BAZ2B: variants seen among roughly 807,000 people sequenced by gnomAD.
BAZ2B encodes bromodomain adjacent to zinc finger domain protein 2B.
In BAZ2B, 91 loss-of-function variants were observed where a neutral mutation model predicts 246.0. The observed-to-expected ratio is 0.37, with a 90% CI of 0.31 to 0.44. BAZ2B has a LOEUF of 0.44. Ranked by LOEUF, BAZ2B falls within the 20% of genes least tolerant of loss-of-function variation. The pLI, the probability that BAZ2B is intolerant of heterozygous loss-of-function variation, is 1.00. For synonymous variants in BAZ2B, 855 were observed against 860.0 expected (o/e 0.99, Z 0.10); for missense variants, 2,332 against 2,533.7 (o/e 0.92, Z 1.71).
chr2:159,659,878 C>G, the BAZ2B span, among the ~76,000 whole-genome samples: 1 of 152,138 alleles, frequency 6.6e-6, no homozygotes, highest in African/African-American at 2.4e-5. Flanking sequence ...TTAACTATTT[C>G]CATTTACCAT....
At chr2:159,570,868 T>G (rs2151563161) in intron 1 of BAZ2B, among the ~76,000 whole-genome samples, 1 of 152,288 alleles carries the variant, frequency 6.6e-6, no homozygotes, top group African/African-American at 2.4e-5. Context: ...TTTTTTGTTT[T>G]TTTGAGATGG....
chr2:159,465,532 C>A (rs1424917191), intron 3 of BAZ2B, among the ~76,000 whole-genome samples: 1 of 152,098 alleles, frequency 6.6e-6, no homozygotes, highest in Non-Finnish European at 1.5e-5. Context: ...CTACAAAGTT[C>A]TACTAAAAAG....
chr2:159,491,445 G>C (rs1038193300), intron 2 of BAZ2B, among the ~76,000 whole-genome samples: 1 of 152,032 alleles, frequency 6.6e-6, no homozygotes, highest in African/African-American at 2.4e-5. Context: ...TGTTGGCCAG[G>C]CGCGGTGGCT....
At chr2:159,464,372 G>A (rs79907084) in intron 3 of BAZ2B, 5,263 of 152,108 alleles carry the variant, frequency 0.035, 141 homozygotes, top group Non-Finnish European at 0.055. Flanking sequence ...TCTGTAAAAT[G>A]TCCCTCTGGT....
chr2:159,554,865 A>AAT (rs1378038659), intron 2 of BAZ2B, among the ~76,000 whole-genome samples: 1 of 152,092 alleles, frequency 6.6e-6, no homozygotes, highest in Non-Finnish European at 1.5e-5. Context: ...TTCTTTAGGT[A>AAT]ATATATGTCC....
chr2:159,331,857 C>T (rs1026235851), intron 34 of BAZ2B, among the ~76,000 whole-genome samples: 1 of 152,018 alleles, frequency 6.6e-6, no homozygotes, highest in African/African-American at 2.4e-5. Flanking sequence ...ACACATAAGA[C>T]AGAATAGGAG....
chr2:159,389,272 G>C (rs2063038301), intron 21 of BAZ2B, 73 bp downstream of exon 21: 1 of 1,387,964 alleles, frequency 7.2e-7, no homozygotes, highest in Non-Finnish European at 9.6e-7. Context: ...AGCAGCTCTG[G>C]CAAAGAAATC....
chr2:159,446,517 C>A (rs2074271755), intron 6 of BAZ2B, among the ~76,000 whole-genome samples: 1 of 152,182 alleles, frequency 6.6e-6, no homozygotes, highest in Non-Finnish European at 1.5e-5. Flanking sequence ...ACAGTAGCTA[C>A]TTCATTTCGG....
chr2:159,363,304 TTA>T, intron 27 of BAZ2B, among the ~76,000 whole-genome samples: 1 of 152,272 alleles, frequency 6.6e-6, no homozygotes, highest in East Asian at 1.9e-4. Flanking sequence ...GATAGTGTAG[TTA>T]CTCTAACACA....
At chr2:159,420,306 G>A (rs10185459) in intron 13 of BAZ2B, among the ~76,000 whole-genome samples, 8 of 152,108 alleles carry the variant, frequency 5.3e-5, no homozygotes, top group Admixed American at 1.3e-4. Flanking sequence ...CTGATTAAAT[G>A]ACTCAGAAAA....
At chr2:159,507,932 C>T (rs151102486) in intron 2 of BAZ2B, among the ~76,000 whole-genome samples, 68 of 152,250 alleles carry the variant, frequency 4.5e-4, no homozygotes, top group African/African-American at 1.6e-3. Flanking sequence ...GTGCAAGTGG[C>T]ATGATCTCAG....
intron 27 of BAZ2B, among the ~76,000 whole-genome samples, chr2:159,362,240 C>A (rs7559654): frequency 0.76 from 115,850 of 151,916 alleles, 45,294 homozygotes; most frequent in Non-Finnish European, 0.87. Context: ...GAGGCAGCAG[C>A]AGGTCAGAAG....
intron 13 of BAZ2B, among the ~76,000 whole-genome samples, chr2:159,425,698 A>G (rs929203715): frequency 6.6e-5 from 10 of 152,254 alleles, no homozygotes; most frequent in African/African-American, 2.4e-4. Flanking sequence ...GTAAATACGT[A>G]TGATCATCAC....
rs377242567 is a variant in BAZ2B, at chr2:159,446,895, T to C, written c.583A>G (p.Ser195Gly). 5.4e-5 allele frequency: 87 copies of C among 1,613,794 alleles called. No homozygotes were observed. The African/African-American group carries it at 7.3e-4, about 14-fold the overall frequency. ...NTSVLSTTASSSMGQTKSTSS... is the reference protein window; with the variant it reads ...NTSVLSTTASGSMGQTKSTSS... ...GTACTTTTAGTTTGTCCCATGGAAC[T>C]TGAAGCAGTAGTGGATAGTACAGAT... Residue 195 changes from serine to glycine, a missense_variant, in exon 6 of 37, where the codon AGT becomes GGT. Ser to Gly is a moderately conservative substitution (Grantham distance 56). Transcript: ENST00000392783.
At chr2:159,372,981 G>A in intron 27 of BAZ2B, 64 bp downstream of exon 27, 1 of 1,481,964 alleles carries the variant, frequency 6.7e-7, no homozygotes, top group Non-Finnish European at 9.1e-7. Context: ...TATTGAAGAA[G>A]TAACAGAGTT....
intron 16 of BAZ2B, among the ~76,000 whole-genome samples, chr2:159,403,423 TA>T (rs1426836443): frequency 6.6e-6 from 1 of 152,168 alleles, no homozygotes; most frequent in African/African-American, 2.4e-5. Flanking sequence ...TTTAGGATCA[TA>T]AAGCTGAATT....
chr2:159,389,736 T>C lies in BAZ2B; in HGVS notation c.3076-251A>G, dbSNP rs375225084. ...ATACTTATTAATACAAGCAGGTACA[T>C]AAAATGAACATGGGCAACTACATAT... On this transcript the variant is annotated intron_variant, in intron 20 of 36. Coordinates refer to ENST00000392783, the MANE Select transcript of BAZ2B (RefSeq NM_013450.4). 6.6e-5 allele frequency among the ~76,000 whole-genome samples: 10 copies of C among 152,274 alleles called. No homozygotes were observed. In the East Asian group the frequency reaches 7.7e-4, roughly 12 times the overall value.
intron 27 of BAZ2B, among the ~76,000 whole-genome samples, chr2:159,366,916 G>A (rs971243309): frequency 6.6e-6 from 1 of 152,148 alleles, no homozygotes; most frequent in African/African-American, 2.4e-5. Flanking sequence ...CCAAGGGTCA[G>A]GGGGTGGACT....
chr2:159,324,629 CACACACACA>C (rs2063187602), intron 36 of BAZ2B, among the ~76,000 whole-genome samples, 173 bp downstream of exon 36: 1 of 224 alleles, frequency 4.5e-3, no homozygotes, highest in Non-Finnish European at 7.4e-3. Context: ...ACCAAATACA[CACACACACA>C]CACACACACA....
Sources: allele counts gnomAD v4.1 joint callset (sites outside exome capture counted in the v4.1 genomes callset), GRCh38; gene constraint gnomAD v4.1.1; transcripts MANE v1.5; gene names NCBI Gene and HGNC (gene_info 2026-07-23, HGNC 2026-07-21).